Variants in NSD3 observed in about 807,000 individuals in gnomAD.
NSD3 encodes histone-lysine N-methyltransferase NSD3.
In NSD3, 24 loss-of-function variants were observed where a neutral mutation model predicts 160.8. The observed-to-expected ratio is 0.15, with a 90% CI of 0.11 to 0.21. NSD3 has a LOEUF of 0.21. Among genes scored for constraint, NSD3 ranks in the 10% least tolerant of loss-of-function variants. The pLI, the probability that NSD3 is intolerant of heterozygous loss-of-function variation, is 1.00. For synonymous variants in NSD3, 520 were observed against 600.0 expected (o/e 0.87, Z 1.95); for missense variants, 1,157 against 1,735.9 (o/e 0.67, Z 5.93).
intron 10 of NSD3, 85 bp from the exon 11 acceptor site, chr8:38,315,629 T>G: frequency 6.5e-7 from 1 of 1,549,720 alleles, no homozygotes; most frequent in Non-Finnish European, 8.8e-7. Flanking sequence ...TAGTAAGACT[T>G]GCTCAAACAT....
intron 7 of NSD3, among the ~76,000 whole-genome samples, chr8:38,324,889 C>T (rs1585887576): frequency 6.6e-6 from 1 of 152,330 alleles, no homozygotes; most frequent in East Asian, 1.9e-4. Flanking sequence ...TTGCTGAACA[C>T]ACGAAGGTGC....
chr8:38,324,160 T>G (rs970544539), intron 7 of NSD3, among the ~76,000 whole-genome samples: 1 of 152,218 alleles, frequency 6.6e-6, no homozygotes, highest in African/African-American at 2.4e-5. Context: ...TCCTTTGACA[T>G]TGTAAGTTCA....
rs189247455 is a variant in NSD3 at position 38,276,753 on chromosome 8, T to G, written c.3868-253A>C. The G allele has an allele frequency of 8.1e-4, 392 of 483,650 alleles. 3 individuals carry two copies. The East Asian group carries it at 0.014, about 17-fold the overall frequency. The allele number at this position is 483,650 out of a possible 1,614,324, so 30.0% of individuals were successfully genotyped here. Reference sequence around the variant, plus strand: ...AGGCTGAAGTGCAGTGGTGCAATCTTGGCTCACTGCAGCCTCGACCTCCTG... The same window carrying G: ...AGGCTGAAGTGCAGTGGTGCAATCTGGGCTCACTGCAGCCTCGACCTCCTG... On this transcript the variant is annotated intron_variant, in intron 22 of 23. Coordinates refer to ENST00000317025, the MANE Select transcript of NSD3 (RefSeq NM_023034.2).
chr8:38,318,136 G>A lies in NSD3; in HGVS notation c.1855+759C>T. The A allele has an allele frequency of 2.1e-6, 3 of 1,441,280 alleles. No individual in the cohort carries two copies. In the South Asian group the frequency reaches 3.7e-5, roughly 18 times the overall value. The allele number at this position is 1,441,280 out of a possible 1,614,324, so 89.3% of individuals were successfully genotyped here. A position where few individuals can be genotyped will look rare whatever the true frequency, so the allele number is the denominator to read the frequency against. ...CTCCGCCAAGCAGTGTTCCCTCCGA[G>A]AGGCTGTTCAGTTCTGCTGAGGATC... On this transcript the variant is annotated intron_variant, in intron 9 of 23. Transcript: ENST00000317025. The surrounding 1 kb of genome is among the most constrained non-coding windows in gnomAD (Gnocchi z 5.3).
rs1278050028 is a variant in NSD3 at position 38,329,756 on chromosome 8, C to T, written c.1203G>A (p.Glu401=). ...TFIYIDKQPE[E]ALSQAKKSVA... ...CACTCTTTTTTGCTTGGGATAAAGCCTCTTCAGGCTGTTTATCAATGTAAA... is the reference window on the plus strand; with the variant it reads ...CACTCTTTTTTGCTTGGGATAAAGCTTCTTCAGGCTGTTTATCAATGTAAA... The change falls in exon 6 of 24, where the codon GAG becomes GAA. Residue 401 remains glutamate, a synonymous_variant. Coordinates refer to ENST00000317025, the MANE Select transcript of NSD3 (RefSeq NM_023034.2). The surrounding 1 kb of genome is among the most constrained non-coding windows in gnomAD (Gnocchi z 4.8). The T allele has an allele frequency of 6.2e-7, 1 of 1,614,150 alleles. No homozygotes were observed. The highest frequency in any genetic ancestry group is 1.1e-5 in the South Asian group (1 of 91,082).
At chr8:38,326,463 A>G (rs1275970318) in intron 7 of NSD3, among the ~76,000 whole-genome samples, 1 of 152,228 alleles carries the variant, frequency 6.6e-6, no homozygotes, top group Non-Finnish European at 1.5e-5. Flanking sequence ...GTATTTACTC[A>G]GATACATATA....
intron 1 of NSD3, among the ~76,000 whole-genome samples, chr8:38,365,715 G>T (rs1354491894): frequency 1.3e-5 from 2 of 151,886 alleles, no homozygotes; most frequent in African/African-American, 4.8e-5. Flanking sequence ...TCAAGTGCTG[G>T]CATTACAGGT....
chr8:38,349,605 T>C (rs373974436), intron 1 of NSD3, among the ~76,000 whole-genome samples: 2 of 149,402 alleles, frequency 1.3e-5, no homozygotes, highest in African/African-American at 2.4e-5. Flanking sequence ...CTCATACCAA[T>C]AGTGTGTGCT....
Position 38,295,908 on chromosome 8 carries a change from G to A in NSD3, c.2803C>T (p.Pro935Ser), listed in dbSNP as rs991823454. ...CCESCPASFH[P>S]ECLSIEMPEG... Reference sequence around the variant, plus strand: ...GGCATTTCTATGCTTAGGCATTCCGGGTGGAAGGAAGCTGGGCACGATTCA... The same window carrying A: ...GGCATTTCTATGCTTAGGCATTCCGAGTGGAAGGAAGCTGGGCACGATTCA... The change falls in exon 16 of 24, where the codon CCG (proline) becomes TCG (serine). Residue 935 changes from proline to serine, a missense_variant. Physicochemically the swap from Pro to Ser is moderately conservative, Grantham distance 74. Transcript: ENST00000317025. 24 of 1,613,424 alleles carry A rather than the reference G, an allele frequency of 1.5e-5. No individual in the cohort carries two copies. Among genetic ancestry groups the A allele is most frequent in the Non-Finnish European group, 1.9e-5 (23 of 1,179,840 alleles).
chr8:38,374,415 T>G (rs1161282370), intron 1 of NSD3, among the ~76,000 whole-genome samples: 1 of 152,290 alleles, frequency 6.6e-6, no homozygotes, highest in African/African-American at 2.4e-5. Context: ...GTGGGTAATA[T>G]AAGCTATGAA....
intron 15 of NSD3, among the ~76,000 whole-genome samples, chr8:38,298,530 CTGTGTG>C (rs143129228): frequency 6.9e-6 from 1 of 145,420 alleles, no homozygotes; most frequent in Non-Finnish European, 1.5e-5. Flanking sequence ...AATACACCTA[CTGTGTG>C]TGTGTGTGTG....
intron 19 of NSD3, among the ~76,000 whole-genome samples, chr8:38,283,015 A>G (rs1026140254): frequency 2.6e-5 from 4 of 152,208 alleles, no homozygotes; most frequent in African/African-American, 7.2e-5. Flanking sequence ...TGGTGAGTGT[A>G]TGTTTCCTTA....
In NSD3 at chr8:38,317,797, TCA is replaced by T; in HGVS notation, c.1855+1096_1855+1097del. 4 of 1,447,068 alleles carry T rather than the reference TCA, an allele frequency of 2.8e-6. No individual in the cohort carries two copies. Among genetic ancestry groups the T allele is most frequent in the Non-Finnish European group, 3.6e-6 (4 of 1,104,150 alleles). The allele number at this position is 1,447,068 out of a possible 1,614,324, so 89.6% of individuals were successfully genotyped here. The stretch of plus-strand genomic sequence containing the variant: ...ATCATTTGACTGTTAAAGCAATTGT[TCA>T]GAGTCTTGAAGAAGAAACCAGGCAG... On this transcript the variant is annotated intron_variant, in intron 9 of 23. Transcript: ENST00000317025. The surrounding 1 kb of genome is among the most constrained non-coding windows in gnomAD (Gnocchi z 5.3).
chr8:38,281,628 AT>A, intron 19 of NSD3, 45 bp from the exon 20 acceptor site: 1 of 1,346,314 alleles, frequency 7.4e-7, no homozygotes, highest in South Asian at 1.3e-5. Context: ...AGTGTATTAT[AT>A]AAAGCATTGC....
chr8:38,301,901 C>T (rs1809286064), intron 14 of NSD3, among the ~76,000 whole-genome samples: 5 of 152,160 alleles, frequency 3.3e-5, no homozygotes, highest in Admixed American at 3.3e-4. Flanking sequence ...CTACATTATC[C>T]ATTTAAAATT....
chr8:38,286,223 T>A (rs1389257794), intron 19 of NSD3, among the ~76,000 whole-genome samples: 1 of 152,174 alleles, frequency 6.6e-6, no homozygotes. Context: ...GCAAGTGGCA[T>A]GCTGGGAATC....
chr8:38,362,523 T>C (rs980220952), intron 1 of NSD3, among the ~76,000 whole-genome samples: 1 of 152,180 alleles, frequency 6.6e-6, no homozygotes, highest in Non-Finnish European at 1.5e-5. Flanking sequence ...TAGCAAGTAA[T>C]CTTTTCATTG....
intron 20 of NSD3, among the ~76,000 whole-genome samples, chr8:38,280,516 A>C (rs1808707059): frequency 6.6e-6 from 1 of 152,248 alleles, no homozygotes; most frequent in Non-Finnish European, 1.5e-5. Flanking sequence ...TTATAGAGAT[A>C]TGATAGCCTA....
At position 38,362,256 on chromosome 8, in the gene NSD3, CGGGGGGGGG is replaced by C. The variant is rs796989324; in HGVS notation, c.-44-14050_-44-14042del. On this transcript the variant is annotated intron_variant, in intron 1 of 23. Coordinates refer to ENST00000317025, the MANE Select transcript of NSD3 (RefSeq NM_023034.2). Reference sequence around the variant, plus strand: ...AACAGAATAGAGTATTACAGTAAGGCGGGGGGGGGGGGGGGGGCACAAGATTGGATTAAC... The same window carrying C: ...AACAGAATAGAGTATTACAGTAAGGCGGGGGGGGCACAAGATTGGATTAAC... Among the ~76,000 whole-genome samples the C allele has an allele frequency of 4.1e-3, 12 of 2,910 alleles. 3 individuals carry two copies. The South Asian group carries it at 0.056, about 13-fold the overall frequency. 1.9% of individuals were successfully genotyped at this position (2,910 alleles called of 152,430 possible).
Sources: gnomAD v4.1 joint callset for allele counts (sites outside exome capture counted in the v4.1 genomes callset) on GRCh38, gnomAD v4.1.1 for gene constraint, Gnocchi (gnomAD v3.1) non-coding constraint, MANE v1.5 for transcripts, NCBI Gene and HGNC (gene_info 2026-07-23, HGNC 2026-07-21) for gene names.